The following EXOC3L4 variants were observed in gnomAD, a reference collection of about 807,000 sequenced individuals.
EXOC3L4 encodes exocyst complex component 3-like protein 4.
Under a neutral mutation model 69.7 loss-of-function variants are expected in EXOC3L4, and 62 were observed. The ratio of observed to expected loss-of-function variants is 0.89; its 90% CI spans 0.72 to 1.10. EXOC3L4 has a LOEUF of 1.10. EXOC3L4 is among the 50% of genes least tolerant of loss of function. The pLI is 0.00. For missense variants in EXOC3L4, 1,087 were observed against 1,034.8 expected (o/e 1.05, Z -0.69); for synonymous variants, 502 against 464.2 (o/e 1.08, Z -1.05).
At chr14:103,103,371 A>AAAAAAC (rs1890326875) in intron 3 of EXOC3L4, among the ~76,000 whole-genome samples, 1 of 144,070 alleles carries the variant, frequency 6.9e-6, no homozygotes, top group African/African-American at 2.6e-5. Context: ...AAAAAAAAAA[A>AAAAAAC]GAAAGAAAGA....
In EXOC3L4 at chr14:103,110,286, A is replaced by G; in HGVS notation, c.*63A>G. The G allele has an allele frequency of 2.0e-6, 3 of 1,489,262 alleles. No homozygotes were observed. The highest frequency in any genetic ancestry group is 2.7e-6 in the Non-Finnish European group (3 of 1,115,408). 92.3% of individuals were successfully genotyped at this position (1,489,262 alleles called of 1,614,324 possible). A position where few individuals can be genotyped will look rare whatever the true frequency, so the allele number is the denominator to read the frequency against. ...GAGCTGTGGTCAGTGGGGGTCAGCC[A>G]GGAGCCCAGGGAGTCACTCTGGGCC... On this transcript the variant is annotated 3_prime_UTR_variant, in exon 12 of 12. Coordinates refer to ENST00000688303, the MANE Select transcript of EXOC3L4 (RefSeq NM_001077594.2).
At chr14:103,106,607 T>C (rs1202611715) in intron 7 of EXOC3L4, among the ~76,000 whole-genome samples, 178 bp from the exon 8 acceptor site, 1 of 152,140 alleles carries the variant, frequency 6.6e-6, no homozygotes, top group Non-Finnish European at 1.5e-5. Context: ...CCTTTGTGAC[T>C]GGCTCCCTGG....
intron 11 of EXOC3L4, 73 bp downstream of exon 11, chr14:103,108,590 C>G: frequency 1.9e-6 from 3 of 1,571,394 alleles, no homozygotes; most frequent in Non-Finnish European, 2.6e-6. Flanking sequence ...TTGGAGCAAC[C>G]CCAGCCCAGA....
rs1385306333 is a variant in EXOC3L4 at position 103,102,530 on chromosome 14, G to A, written c.807G>A (p.Ala269=). ...GCGCGGGGTGGGCCTTCGGGGAGGC[G>A]GAGGGCGCGTCGGGTTTGGCCCAGC... ...RPGAGWAFGE[A]EGASGLAQLL... is the part of the protein sequence containing the mutation. The change falls in exon 3 of 12, where the codon GCG becomes GCA. Residue 269 remains alanine (A), a synonymous_variant. Coordinates refer to ENST00000688303, the MANE Select transcript of EXOC3L4 (RefSeq NM_001077594.2). 1.4e-6 allele frequency: 2 copies of A among 1,404,350 alleles called. No individual in the cohort carries two copies. Among genetic ancestry groups the A allele is most frequent in the Non-Finnish European group, 1.8e-6 (2 of 1,083,410 alleles). 87.0% of individuals were successfully genotyped at this position (1,404,350 alleles called of 1,614,324 possible).
intron 1 of EXOC3L4, among the ~76,000 whole-genome samples, chr14:103,099,507 C>G (rs1890056105): frequency 6.6e-6 from 1 of 152,166 alleles, no homozygotes; most frequent in Non-Finnish European, 1.5e-5. Context: ...AGAACCCCCC[C>G]AGTCCCTGGT....
chr14:103,107,550 CA>C lies in EXOC3L4; in HGVS notation c.1701+9del, dbSNP rs1566952653. The C allele has an allele frequency of 3.7e-6, 6 of 1,613,460 alleles. No homozygotes were observed. The highest frequency in any genetic ancestry group is 5.1e-6 in the Non-Finnish European group (6 of 1,179,912). ...GGCCCGGCCGCGGGCACAGGTACCACAAGGGGGAGGGCCCTGGCAGGGCTGT... is the reference window on the plus strand; with the variant it reads ...GGCCCGGCCGCGGGCACAGGTACCACAGGGGGAGGGCCCTGGCAGGGCTGT... On this transcript the variant is annotated splice_region_variant and intron_variant, in intron 9 of 11. Coordinates refer to ENST00000688303, the MANE Select transcript of EXOC3L4 (RefSeq NM_001077594.2).
At chr14:103,101,968 G>T in intron 2 of EXOC3L4, 150 bp from the exon 3 acceptor site, 1 of 852,068 alleles carries the variant, frequency 1.2e-6, no homozygotes, top group South Asian at 1.8e-5. Context: ...GGGGCCTGTT[G>T]TTCCTGGAGC....
chr14:103,103,797 C>CGGGTGTGT, intron 3 of EXOC3L4, 144 bp from the exon 4 acceptor site: 1 of 432,428 alleles, frequency 2.3e-6, no homozygotes, highest in East Asian at 4.1e-5. Flanking sequence ...GGCGCGCGCG[C>CGGGTGTGT]GTGTGTGTGT....
At position 103,104,850 on chromosome 14, in the gene EXOC3L4, T is replaced by C; in HGVS notation, c.1385+12T>C. 7.9e-6 allele frequency: 12 copies of C among 1,511,112 alleles called. No homozygotes were observed. Among genetic ancestry groups the C allele is most frequent in the Non-Finnish European group, 1.1e-5 (12 of 1,122,532 alleles). The allele number at this position is 1,511,112 out of a possible 1,614,324, so 93.6% of individuals were successfully genotyped here. A position where few individuals can be genotyped will look rare whatever the true frequency, so the allele number is the denominator to read the frequency against. On this transcript the variant is annotated intron_variant, in intron 6 of 11. Coordinates refer to ENST00000688303, the MANE Select transcript of EXOC3L4 (RefSeq NM_001077594.2). ...CTCTTCGTGCCCAGGTGCGGACGCA[T>C]CCTCAGTAGGGGAGCGACCTGGCCG...
rs1346326608 is a variant in EXOC3L4, at chr14:103,106,915, C to T, written c.1581+16C>T. 3.9e-6 allele frequency: 6 copies of T among 1,535,120 alleles called. 1 individual carries two copies. The highest frequency in any genetic ancestry group is 4.4e-6 in the Non-Finnish European group (5 of 1,134,390). The stretch of plus-strand genomic sequence containing the variant: ...TGAGTTGCAGGTGACTGTGATAGGC[C>T]CTCTCTCCCTACTTCCCATGCCCAG... On this transcript the variant is annotated intron_variant, in intron 8 of 11. Coordinates refer to ENST00000688303, the MANE Select transcript of EXOC3L4 (RefSeq NM_001077594.2).
intron 1 of EXOC3L4, among the ~76,000 whole-genome samples, chr14:103,098,462 A>G (rs1351639474): frequency 1.3e-5 from 2 of 152,180 alleles, no homozygotes; most frequent in East Asian, 1.9e-4. Flanking sequence ...TGAAATGGGC[A>G]AATGACAACC....
At chr14:103,101,789 A>C (rs1229606026) in intron 2 of EXOC3L4, among the ~76,000 whole-genome samples, 1 of 152,228 alleles carries the variant, frequency 6.6e-6, no homozygotes, top group Admixed American at 6.5e-5. Context: ...TTAGACCTGC[A>C]ATCAGGGCTG....
At chr14:103,105,388 G>A (rs1890490069) in intron 7 of EXOC3L4, among the ~76,000 whole-genome samples, 2 of 151,506 alleles carry the variant, frequency 1.3e-5, no homozygotes, top group Admixed American at 1.3e-4. Flanking sequence ...GTGTGTTGGA[G>A]CTAAGAGGTG....
rs1253914759 is a variant in EXOC3L4 at position 103,097,235 on chromosome 14, G to A, written c.-17+2395G>A. Among the ~76,000 whole-genome samples the A allele has an allele frequency of 6.6e-6, 1 of 152,140 alleles. No individual in the cohort carries two copies. Among genetic ancestry groups the A allele is most frequent in the Non-Finnish European group, 1.5e-5 (1 of 68,012 alleles). ...TGTCTCTGGGTGGTTTCTTGCCCCT[G>A]CTGCTGGCCCCACAAAGGGTGTATT... On this transcript the variant is annotated intron_variant, in intron 1 of 11. Coordinates refer to ENST00000688303, the MANE Select transcript of EXOC3L4 (RefSeq NM_001077594.2). The surrounding 1 kb of genome is among the most constrained non-coding windows in gnomAD (Gnocchi z 4.9).
At chr14:103,104,909 G>A in intron 6 of EXOC3L4, 71 bp downstream of exon 6, 1 of 1,563,630 alleles carries the variant, frequency 6.4e-7, no homozygotes, top group South Asian at 1.2e-5. Flanking sequence ...AGGAGTCTGC[G>A]TAGGGACCTG....
chr14:103,106,636 A>AC, intron 7 of EXOC3L4, 149 bp from the exon 8 acceptor site: 1 of 578,348 alleles, frequency 1.7e-6, no homozygotes, highest in Non-Finnish European at 3.1e-6. Flanking sequence ...GCTGTCCCCC[A>AC]CTTGACTCTG....
At chr14:103,102,820 TCCGCAGGCC>T in intron 3 of EXOC3L4, 48 bp downstream of exon 3, 1 of 1,306,858 alleles carries the variant, frequency 7.7e-7, no homozygotes, top group Non-Finnish European at 9.7e-7. Flanking sequence ...TGCCGCTTCC[TCCGCAGGCC>T]TTGGGGAGCC....
chr14:103,097,422 G>C lies in EXOC3L4; in HGVS notation c.-17+2582G>C, dbSNP rs1002672746. The stretch of plus-strand genomic sequence containing the variant: ...AAAAGAGAGCCAGAGAGAGTCCATG[G>C]GGGTGTGGGGAGGCAGGCACAGGGA... On this transcript the variant is annotated intron_variant, in intron 1 of 11. Coordinates refer to ENST00000688303, the MANE Select transcript of EXOC3L4 (RefSeq NM_001077594.2). This position sits in a 1 kb window ranked among gnomAD's most constrained non-coding sequence, Gnocchi z 4.9. Among the ~76,000 whole-genome samples the C allele has an allele frequency of 2.0e-5, 3 of 152,162 alleles. No homozygotes were observed. The highest frequency in any genetic ancestry group is 7.2e-5 in the African/African-American group (3 of 41,428).
intron 7 of EXOC3L4, 47 bp from the exon 8 acceptor site, chr14:103,106,738 C>A: frequency 8.0e-7 from 1 of 1,244,920 alleles, no homozygotes; most frequent in Non-Finnish European, 1.1e-6. Context: ...TATTCCCCAG[C>A]CTGGTCTCCC....
Sources: gnomAD v4.1 joint callset for allele counts (sites outside exome capture counted in the v4.1 genomes callset) on GRCh38, gnomAD v4.1.1 for gene constraint, Gnocchi (gnomAD v3.1) non-coding constraint, MANE v1.5 for transcripts, NCBI Gene and HGNC (gene_info 2026-07-23, HGNC 2026-07-21) for gene names.